Variants in PRPF31 observed in about 807,000 individuals in gnomAD.
The protein encoded by PRPF31 is pre-mRNA processing factor 31.
A neutral mutation model predicts 60.4 loss-of-function variants in PRPF31; 12 were observed. That is an observed-to-expected ratio of 0.20 (90% CI 0.13 to 0.32). The LOEUF (loss-of-function observed/expected upper bound fraction) is 0.32. Among genes scored for constraint, PRPF31 ranks in the 10% least tolerant of loss-of-function variants. PRPF31 has a pLI of 1.00. For missense variants in PRPF31, 431 were observed against 687.1 expected (o/e 0.63, Z 4.17); for synonymous variants, 287 against 287.9 (o/e 1.00, Z 0.03).
chr19:54,117,683 CAA>C (rs57949221), intron 1 of PRPF31, among the ~76,000 whole-genome samples: 15 of 80,436 alleles, frequency 1.9e-4, no homozygotes, highest in Admixed American at 3.8e-4. Context: ...CTTGACTCTA[CAA>C]AAAAAAAAAA....
In PRPF31 at chr19:54,118,267, C is replaced by A. The variant is rs746191129; in HGVS notation, c.-8-4C>A. The stretch of plus-strand genomic sequence containing the variant: ...TTTTAGGGAACGCTGCTGTCCCTCC[C>A]CAGGCCTCGGGATGTCTCTGGCAGA... On this transcript the variant is annotated splice_region_variant and splice_polypyrimidine_tract_variant and intron_variant, in intron 1 of 13. Transcript: ENST00000321030. The A allele has an allele frequency of 6.2e-7, 1 of 1,612,462 alleles. No individual in the cohort carries two copies. The highest frequency in any genetic ancestry group is 1.7e-5 in the Admixed American group (1 of 59,976).
intron 8 of PRPF31, 75 bp from the exon 9 acceptor site, chr19:54,126,453 C>T (rs770108631): frequency 1.8e-5 from 25 of 1,391,292 alleles, no homozygotes; most frequent in African/African-American, 7.1e-5. Flanking sequence ...AGAGGAGGAG[C>T]GCGCGCGGTT....
intron 5 of PRPF31, chr19:54,123,152 G>A (rs995770067): frequency 2.0e-5 from 11 of 551,130 alleles, no homozygotes; most frequent in Middle Eastern, 4.9e-4. Context: ...GCGAGGCCGC[G>A]GATTTGCACT....
chr19:54,122,450 G>A (rs770915348), intron 4 of PRPF31, 47 bp from the exon 5 acceptor site: 2 of 1,428,820 alleles, frequency 1.4e-6, no homozygotes, highest in Admixed American at 3.3e-5. Flanking sequence ...AACCAGCAGA[G>A]TCTACCTTCC....
intron 3 of PRPF31, among the ~76,000 whole-genome samples, chr19:54,120,713 C>T (rs1215801307): frequency 3.9e-5 from 6 of 152,292 alleles, no homozygotes; most frequent in South Asian, 2.1e-4. Flanking sequence ...TGGGCTCAGG[C>T]GTTCCTGCCT....
Position 54,129,383 on chromosome 19 carries a change from G to A in PRPF31, c.1374+13G>A. The A allele has an allele frequency of 6.3e-7, 1 of 1,579,438 alleles. No homozygotes were observed. The highest frequency in any genetic ancestry group is 8.6e-7 in the Non-Finnish European group (1 of 1,164,290). ...CACCCCACTCCAGGTACCTCCCCTGGGCCGGCTCTGTCCCCAGCCCTGAGA... is the reference window on the plus strand; with the variant it reads ...CACCCCACTCCAGGTACCTCCCCTGAGCCGGCTCTGTCCCCAGCCCTGAGA... On this transcript the variant is annotated intron_variant, in intron 13 of 13. Coordinates refer to ENST00000321030, the MANE Select transcript of PRPF31 (RefSeq NM_015629.4).
chr19:54,122,643 G>C (rs749327560), intron 5 of PRPF31, 49 bp downstream of exon 5: 5 of 1,486,122 alleles, frequency 3.4e-6, no homozygotes, highest in Non-Finnish European at 4.7e-6. Flanking sequence ...AGGGGCAGGC[G>C]GGGCTCACTC....
chr19:54,124,663 C>G lies in PRPF31; in HGVS notation c.855+7C>G. On this transcript the variant is annotated splice_region_variant and intron_variant, in intron 8 of 13. Coordinates refer to ENST00000321030, the MANE Select transcript of PRPF31 (RefSeq NM_015629.4). ...CGTGCAGTCCCTGCCACCGGTGAGC[C>G]CACTGCGTCATGGCCCCTCCCCCGG... 1.2e-6 allele frequency: 2 copies of G among 1,612,086 alleles called. No homozygotes were observed. The highest frequency in any genetic ancestry group is 1.7e-6 in the Non-Finnish European group (2 of 1,179,950).
At chr19:54,128,952 G>T in intron 11 of PRPF31, 105 bp from the exon 12 acceptor site, 1 of 1,239,518 alleles carries the variant, frequency 8.1e-7, no homozygotes, top group South Asian at 1.3e-5. Flanking sequence ...CCGTGGGACC[G>T]GCCGGCTGGT....
intron 8 of PRPF31, 89 bp downstream of exon 8, chr19:54,124,745 C>A: frequency 6.9e-7 from 1 of 1,458,998 alleles, no homozygotes; most frequent in Non-Finnish European, 9.5e-7. Context: ...CACCATCTGG[C>A]CCAGCTGACG....
chr19:54,116,693 C>T (rs1297418463), intron 1 of PRPF31, among the ~76,000 whole-genome samples: 2 of 152,238 alleles, frequency 1.3e-5, no homozygotes, highest in African/African-American at 2.4e-5. Flanking sequence ...ACACGCAGAG[C>T]GTGCGGGACA....
chr19:54,122,211 AG>A (rs2073809037), intron 4 of PRPF31: 1 of 622,946 alleles, frequency 1.6e-6, no homozygotes, highest in Admixed American at 2.6e-5. Context: ...TCACGGTGCG[AG>A]GTGACTGCCC....
chr19:54,123,046 A>G, intron 5 of PRPF31: 1 of 442,786 alleles, frequency 2.3e-6, no homozygotes. Flanking sequence ...GTTTCGGAAA[A>G]GAGGGGCAGG....
chr19:54,121,446 G>T (rs2073786255), intron 3 of PRPF31, among the ~76,000 whole-genome samples: 1 of 152,158 alleles, frequency 6.6e-6, no homozygotes, highest in East Asian at 1.9e-4. Flanking sequence ...TGCTGAGTCA[G>T]CAAACAGGAA....
chr19:54,116,286 C>T (rs1329811561), intron 1 of PRPF31, among the ~76,000 whole-genome samples: 12 of 151,744 alleles, frequency 7.9e-5, no homozygotes, highest in Admixed American at 7.9e-4. Flanking sequence ...TTCACTGCAA[C>T]CTCCGCCTCC....
At chr19:54,127,081 T>C (rs1241014504) in intron 9 of PRPF31, among the ~76,000 whole-genome samples, 5 of 152,094 alleles carry the variant, frequency 3.3e-5, no homozygotes, top group African/African-American at 1.2e-4. Flanking sequence ...GATTGCATCA[T>C]TGCACTCCAG....
intron 1 of PRPF31, among the ~76,000 whole-genome samples, chr19:54,117,867 TA>T (rs1190898484): frequency 6.6e-6 from 1 of 151,038 alleles, no homozygotes; most frequent in Non-Finnish European, 1.5e-5. Context: ...AATAAATAAA[TA>T]AAGATTAGCC....
intron 3 of PRPF31, 143 bp downstream of exon 3, chr19:54,118,776 T>G: frequency 1.3e-6 from 1 of 746,020 alleles, no homozygotes; most frequent in Non-Finnish European, 2.2e-6. Context: ...CCCAACCCGT[T>G]CCCTTTTCCA....
intron 13 of PRPF31, 77 bp downstream of exon 13, chr19:54,129,447 G>T: frequency 4.7e-6 from 7 of 1,494,244 alleles, no homozygotes; most frequent in Non-Finnish European, 6.3e-6. Flanking sequence ...CTGTGAAGAA[G>T]GCCAGGATGA....
Sources: gnomAD v4.1 joint callset for allele counts (sites outside exome capture counted in the v4.1 genomes callset) on GRCh38, gnomAD v4.1.1 for gene constraint, MANE v1.5 for transcripts, NCBI Gene and HGNC (gene_info 2026-07-23, HGNC 2026-07-21) for gene names.